AXDND1: variants seen among roughly 807,000 people sequenced by gnomAD.
The protein encoded by AXDND1 is axonemal dynein light chain domain containing 1, also known as axonemal dynein light chain domain-containing protein 1.
In AXDND1, 110 loss-of-function variants were observed where a neutral mutation model predicts 137.5. That is an observed-to-expected ratio of 0.80 (90% CI 0.69 to 0.94). AXDND1 has a LOEUF of 0.94. AXDND1 is among the 40% of genes least tolerant of loss of function. The pLI is 0.00. For missense variants in AXDND1, 1,191 were observed against 1,169.8 expected (o/e 1.02, Z -0.26); for synonymous variants, 414 against 399.7 (o/e 1.04, Z -0.43).
At chr1:179,386,476 A>C (rs571750719) in intron 9 of AXDND1, among the ~76,000 whole-genome samples, 2 of 152,054 alleles carry the variant, frequency 1.3e-5, no homozygotes, top group Admixed American at 1.3e-4. Flanking sequence ...AGTTTTCATC[A>C]AATATGGAAC....
chr1:179,551,300 A>G, intron 25 of AXDND1: 1 of 1,614,134 alleles, frequency 6.2e-7, no homozygotes, highest in South Asian at 1.1e-5. Flanking sequence ...GTCAAATGGC[A>G]AAGGTAAAAC....
At chr1:179,434,935 A>G (rs1657926622) in intron 15 of AXDND1, among the ~76,000 whole-genome samples, 1 of 152,202 alleles carries the variant, frequency 6.6e-6, no homozygotes, top group Non-Finnish European at 1.5e-5. Flanking sequence ...TTCTATGTTT[A>G]GAAAACCCCA....
At chr1:179,548,080 G>A (rs1672811711) in intron 25 of AXDND1, among the ~76,000 whole-genome samples, 1 of 152,166 alleles carries the variant, frequency 6.6e-6, no homozygotes, top group Admixed American at 6.6e-5. Context: ...ATATGTGCAA[G>A]TTTTAAAGCT....
intron 9 of AXDND1, among the ~76,000 whole-genome samples, chr1:179,389,148 T>C (rs1471001627): frequency 6.6e-6 from 1 of 151,870 alleles, no homozygotes; most frequent in Non-Finnish European, 1.5e-5. Context: ...TAATTTTGCA[T>C]TTTTAGTAGA....
intron 15 of AXDND1, among the ~76,000 whole-genome samples, chr1:179,441,221 A>T (rs1658938200): frequency 6.6e-6 from 1 of 152,218 alleles, no homozygotes; most frequent in South Asian, 2.1e-4. Flanking sequence ...TGTTACAGCA[A>T]GGACAAAGTC....
chr1:179,497,199 T>C (rs1025948674), intron 20 of AXDND1, among the ~76,000 whole-genome samples: 1 of 152,164 alleles, frequency 6.6e-6, no homozygotes, highest in African/African-American at 2.4e-5. Context: ...GTTGATAGTC[T>C]TATTTAAGTG....
intron 23 of AXDND1, among the ~76,000 whole-genome samples, chr1:179,531,789 G>T (rs187655818): frequency 2.0e-5 from 3 of 152,072 alleles, no homozygotes. Context: ...AACCCCAGGA[G>T]GACCAAGCTA....
intron 13 of AXDND1, among the ~76,000 whole-genome samples, chr1:179,430,117 C>A (rs576502388): frequency 6.6e-6 from 1 of 151,698 alleles, no homozygotes; most frequent in Admixed American, 6.6e-5. Context: ...CCCAAGGTTA[C>A]ACAGCCAGTA....
At chr1:179,483,664 G>A (rs962427) in intron 18 of AXDND1, among the ~76,000 whole-genome samples, 69,404 of 151,844 alleles carry the variant, frequency 0.46, 16,722 homozygotes, top group East Asian at 0.76. Context: ...TTACCATTAG[G>A]GATTTATCTC....
At chr1:179,414,285 G>A (rs1040938335) in intron 12 of AXDND1, among the ~76,000 whole-genome samples, 2 of 151,892 alleles carry the variant, frequency 1.3e-5, no homozygotes, top group South Asian at 4.1e-4. Context: ...GATAAGACCT[G>A]TATCTTGAAA....
chr1:179,467,164 C>G (rs1210348172), intron 16 of AXDND1, among the ~76,000 whole-genome samples: 1 of 152,128 alleles, frequency 6.6e-6, no homozygotes, highest in Non-Finnish European at 1.5e-5. Context: ...CATTTTTGCT[C>G]AGTGCATCAT....
At chr1:179,541,438 A>G (rs1672128254) in intron 25 of AXDND1, among the ~76,000 whole-genome samples, 1 of 150,936 alleles carries the variant, frequency 6.6e-6, no homozygotes, top group South Asian at 2.1e-4. Flanking sequence ...TGAAGACTGG[A>G]GCTGTTCCTA....
chr1:179,489,556 G>A (rs1184643323), intron 18 of AXDND1, among the ~76,000 whole-genome samples: 2 of 152,126 alleles, frequency 1.3e-5, no homozygotes, highest in East Asian at 3.8e-4. Context: ...TAAGGAAGTA[G>A]TATCTTTTTC....
At chr1:179,503,791 T>C (rs531862883) in intron 20 of AXDND1, among the ~76,000 whole-genome samples, 9 of 152,184 alleles carry the variant, frequency 5.9e-5, no homozygotes, top group African/African-American at 1.7e-4. Context: ...CCACCTATGA[T>C]TGAGAACACG....
At chr1:179,384,486 G>C (rs879393434) in intron 8 of AXDND1, among the ~76,000 whole-genome samples, 8 of 152,040 alleles carry the variant, frequency 5.3e-5, no homozygotes, top group African/African-American at 1.4e-4. Flanking sequence ...TTTAAAAATA[G>C]CTATTTTTTC....
chr1:179,488,630 CTCTCCTTTCTTTCTTTCTTTCTT>C (rs1311950443), intron 18 of AXDND1, among the ~76,000 whole-genome samples: 762 of 60,134 alleles, frequency 0.013, 62 homozygotes, highest in Admixed American at 0.1. Context: ...CTCTCTCTCT[CTCTCCTTTCTTTCTTTCTTTCTT>C]TCTTTCTTTC....
chr1:179,483,110 A>G lies in AXDND1; in HGVS notation c.1998-18A>G, dbSNP rs1020393057. 2 of 1,498,912 alleles carry G rather than the reference A, an allele frequency of 1.3e-6. No homozygotes were observed. The highest frequency in any genetic ancestry group is 1.4e-5 in the African/African-American group (1 of 71,254). The allele number at this position is 1,498,912 out of a possible 1,614,324, so 92.9% of individuals were successfully genotyped here. A position where few individuals can be genotyped will look rare whatever the true frequency, so the allele number is the denominator to read the frequency against. On this transcript the variant is annotated intron_variant, in intron 17 of 25. Coordinates refer to ENST00000367618, the MANE Select transcript of AXDND1 (RefSeq NM_144696.6). ...TAAATCAGCCAGTCACTTTTATTTT[A>G]CTTGATTTTTCCTTCAGGGTACTCC...
intron 12 of AXDND1, among the ~76,000 whole-genome samples, chr1:179,420,119 T>C (rs140322484): frequency 4.9e-4 from 74 of 152,344 alleles, no homozygotes; most frequent in African/African-American, 1.8e-3. Flanking sequence ...ATGTTTCTTC[T>C]ATACTAAATT....
intron 19 of AXDND1, 64 bp downstream of exon 19, chr1:179,491,801 ACAG>A: frequency 7.4e-7 from 1 of 1,348,260 alleles, no homozygotes; most frequent in Non-Finnish European, 1.0e-6. Context: ...CAGAGAAGAG[ACAG>A]TGAAGTAGTA....
Sources: allele counts gnomAD v4.1 joint callset (sites outside exome capture counted in the v4.1 genomes callset), GRCh38; gene constraint gnomAD v4.1.1; transcripts MANE v1.5; gene names NCBI Gene and HGNC (gene_info 2026-07-23, HGNC 2026-07-21).